Variants in GOLGA8M observed in about 807,000 individuals in gnomAD.
The protein encoded by GOLGA8M is golgin subfamily A member 8M.
In GOLGA8M, 34 loss-of-function variants were observed where a neutral mutation model predicts 87.7. The observed-to-expected ratio is 0.39, with a 90% CI of 0.29 to 0.52. The LOEUF is 0.52. GOLGA8M is among the 20% of genes least tolerant of loss of function. GOLGA8M has a pLI of 0.80. For missense variants in GOLGA8M, 396 were observed against 682.2 expected (o/e 0.58, Z 4.67); for synonymous variants, 138 against 250.2 (o/e 0.55, Z 4.23).
Position 28,706,642 on chromosome 15 carries a change from C to G in GOLGA8M, c.649G>C (p.Glu217Gln), listed in dbSNP as rs564738040. Residue 217 changes from glutamate to glutamine, a missense_variant, in exon 9 of 19, where the codon GAG becomes CAG. Physicochemically the swap from Glu to Gln is conservative, Grantham distance 29. This residue lies in a region of GOLGA8M where 5 missense variants were observed against 31.9 expected (regional missense o/e 0.16). Transcript: ENST00000563027. ...EWKLEQSMREEALLKVQLTQL... is the reference protein window; with the variant it reads ...EWKLEQSMREQALLKVQLTQL... Reference sequence around the variant, plus strand: ...GTCAGCTGCACTTTCAGTAGTGCCTCCTCCCGCATGGACTGCTCTAACTTC... The same window carrying G: ...GTCAGCTGCACTTTCAGTAGTGCCTGCTCCCGCATGGACTGCTCTAACTTC... The G allele has an allele frequency of 2.4e-3, 3,681 of 1,537,306 alleles. 12 individuals are homozygous for G. Among genetic ancestry groups the G allele is most frequent in the Non-Finnish European group, 3.1e-3 (3,452 of 1,124,810 alleles).
chr15:28,709,701 A>G, intron 2 of GOLGA8M, 113 bp from the exon 3 acceptor site: 1 of 822,344 alleles, frequency 1.2e-6, no homozygotes, highest in East Asian at 2.7e-5. Context: ...CCTATCTTGG[A>G]CCCTTTGTCC....
In GOLGA8M at chr15:28,702,632, GCCTC is replaced by G; in HGVS notation, c.1469+9_1469+12del. On this transcript the variant is annotated intron_variant, in intron 16 of 18. Transcript: ENST00000563027. ...CTGCAGCTCCCCCTGCCGTGCCCTG[GCCTC>G]CCACTCACTGATGGCATCTCTCTTG... The G allele has an allele frequency of 6.2e-7, 1 of 1,610,238 alleles. No individual in the cohort carries two copies. The highest frequency in any genetic ancestry group is 1.1e-5 in the South Asian group (1 of 91,048).
rs543904878 is a variant in GOLGA8M at position 28,701,705 on chromosome 15, A to G, written c.*249T>C. Among the ~76,000 whole-genome samples, 6 of 152,192 alleles carry G rather than the reference A, an allele frequency of 3.9e-5. No homozygotes were observed. The East Asian group carries it at 1.2e-3, about 29-fold the overall frequency. On this transcript the variant is annotated 3_prime_UTR_variant, in exon 19 of 19. Coordinates refer to ENST00000563027, the MANE Select transcript of GOLGA8M (RefSeq NM_001282468.3). ...AAGGGCAAACTCGATATGCATGCTAATGACCTACAATTATGAAATTAAAAA... is the reference window on the plus strand; with the variant it reads ...AAGGGCAAACTCGATATGCATGCTAGTGACCTACAATTATGAAATTAAAAA...
Position 28,702,310 on chromosome 15 carries a change from G to A in GOLGA8M, c.1627C>T (p.His543Tyr). 6.5e-7 allele frequency: 1 copy of A among 1,532,100 alleles called. No homozygotes were observed. The highest frequency in any genetic ancestry group is 8.7e-7 in the Non-Finnish European group (1 of 1,147,616). The allele number at this position is 1,532,100 out of a possible 1,614,324, so 94.9% of individuals were successfully genotyped here. A position where few individuals can be genotyped will look rare whatever the true frequency, so the allele number is the denominator to read the frequency against. Reference sequence around the variant, plus strand: ...TGGGCAGCGGCCAGGAATTTTCTGTGCCCATTGTTGTAGTTGCTGTAAGCC... The same window carrying A: ...TGGGCAGCGGCCAGGAATTTTCTGTACCCATTGTTGTAGTTGCTGTAAGCC... The part of the protein sequence containing the change: ...IAAYSNYNNG[H>Y]RKFLAAAHNS... Residue 543 changes from histidine (H) to tyrosine (Y), a missense_variant, in exon 18 of 19, where the codon CAC becomes TAC. Around this residue, in one of 12 missense-constraint regions of GOLGA8M, gnomAD observed 173 missense variants for 150.2 expected, o/e 1.15. Coordinates refer to ENST00000563027, the MANE Select transcript of GOLGA8M (RefSeq NM_001282468.3).
chr15:28,706,580 T>G, intron 9 of GOLGA8M, 33 bp downstream of exon 9: 2 of 1,180,310 alleles, frequency 1.7e-6, no homozygotes, highest in Non-Finnish European at 2.5e-6. Context: ...TGGGGTCATC[T>G]TCCTTCCACA....
rs929621413 is a variant in GOLGA8M at position 28,702,689 on chromosome 15, T to C, written c.1425A>G (p.Lys475=). The C allele has an allele frequency of 8.1e-6, 13 of 1,605,328 alleles. No homozygotes were observed. The highest frequency in any genetic ancestry group is 1.1e-5 in the Non-Finnish European group (13 of 1,179,456). The change falls in exon 16 of 19, where the codon AAA becomes AAG. Residue 475 remains lysine, a synonymous_variant. Transcript: ENST00000563027. The part of the protein sequence containing the change: ...EKADLSELVK[K]QELRFIQYWQ... ...AGTATTGAATGAAGCGAAGTTCTTG[T>C]TTCTTCACAAGCTCACTCAGGTCTG...
In GOLGA8M at chr15:28,702,450, T is replaced by C. The variant is rs1486534421; in HGVS notation, c.1567+15A>G. The C allele has an allele frequency of 1.1e-5, 6 of 569,122 alleles. No homozygotes were observed. The highest frequency in any genetic ancestry group is 1.7e-5 in the Non-Finnish European group (6 of 350,822). The allele number at this position is 569,122 out of a possible 1,614,324, so 35.3% of individuals were successfully genotyped here. A position where few individuals can be genotyped will look rare whatever the true frequency, so the allele number is the denominator to read the frequency against. ...ACCCCCACCCCCACCCCCACAGAGA[T>C]GTTGCACACCCTACCTTCATCTCCT... On this transcript the variant is annotated intron_variant, in intron 17 of 18. Transcript: ENST00000563027.
In GOLGA8M at chr15:28,700,909, T is replaced by A. The variant is rs1724846139; in HGVS notation, c.*1045A>T. On this transcript the variant is annotated 3_prime_UTR_variant, in exon 19 of 19. Coordinates refer to ENST00000563027, the MANE Select transcript of GOLGA8M (RefSeq NM_001282468.3). ...TCTTGACTAGAGCCTGTATGCCTGT[T>A]CCAGGGACGTTTGAACTCATAAAGG... Among the ~76,000 whole-genome samples, 1 of 152,120 alleles carries A rather than the reference T, an allele frequency of 6.6e-6. No homozygotes were observed. The highest frequency in any genetic ancestry group is 2.4e-5 in the African/African-American group (1 of 41,390).
In GOLGA8M at chr15:28,706,891, A is replaced by G. The variant is rs1380349364; in HGVS notation, c.592-192T>C. On this transcript the variant is annotated intron_variant, in intron 8 of 18. Coordinates refer to ENST00000563027, the MANE Select transcript of GOLGA8M (RefSeq NM_001282468.3). Reference sequence around the variant, plus strand: ...GGACAGGGAATGAGATTGAGTTTATAGCTGGCTAACAGAGGCCCAGAGAGA... The same window carrying G: ...GGACAGGGAATGAGATTGAGTTTATGGCTGGCTAACAGAGGCCCAGAGAGA... 1.5e-4 allele frequency among the ~76,000 whole-genome samples: 21 copies of G among 144,226 alleles called. No individual in the cohort carries two copies. In the East Asian group the frequency reaches 5.6e-3, roughly 39 times the overall value. 94.6% of individuals were successfully genotyped at this position (144,226 alleles called of 152,430 possible).
upstream of GOLGA8M, chr15:28,712,470 T>A: frequency 6.3e-7 from 1 of 1,591,610 alleles, no homozygotes; most frequent in Admixed American, 1.7e-5. Flanking sequence ...GGAATAGGGG[T>A]GTGGCCTTAA....
upstream of GOLGA8M, among the ~76,000 whole-genome samples, chr15:28,712,728 C>T (rs28433430): frequency 7.2e-5 from 11 of 152,234 alleles, no homozygotes; most frequent in South Asian, 4.2e-4. Flanking sequence ...TCCGTGTGTG[C>T]GTATCTATGT....
chr15:28,712,858 T>A (rs1317791461), upstream of GOLGA8M, among the ~76,000 whole-genome samples: 2 of 152,176 alleles, frequency 1.3e-5, no homozygotes, highest in African/African-American at 4.8e-5. Context: ...GAGATACAGA[T>A]CCTATAAAAA....
Position 28,709,515 on chromosome 15 carries a change from C to G in GOLGA8M, c.228+14G>C. 1 of 1,214,992 alleles carries G rather than the reference C, an allele frequency of 8.2e-7. No homozygotes were observed. The allele number at this position is 1,214,992 out of a possible 1,614,324, so 75.3% of individuals were successfully genotyped here. On this transcript the variant is annotated intron_variant, in intron 3 of 18. Coordinates refer to ENST00000563027, the MANE Select transcript of GOLGA8M (RefSeq NM_001282468.3). Reference sequence around the variant, plus strand: ...ACCCGAAGGGTCACTGCACCTCTGCCCAGAGCCTCTTACCTCCAGATCTTT... The same window carrying G: ...ACCCGAAGGGTCACTGCACCTCTGCGCAGAGCCTCTTACCTCCAGATCTTT...
intron 1 of GOLGA8M, chr15:28,711,405 A>G (rs1051759565): frequency 1.6e-6 from 1 of 613,156 alleles, no homozygotes; most frequent in African/African-American, 2.0e-5. Flanking sequence ...AAAATGTTAA[A>G]ATCTCTCTGG....
rs774049688 is a variant in GOLGA8M, at chr15:28,705,206, G to T, written c.1153C>A (p.Leu385Met). Residue 385 changes from leucine (L) to methionine (M), a missense_variant, in exon 13 of 19, where the codon CTG (leucine) becomes ATG (methionine). Leu to Met is a conservative substitution (Grantham distance 15). Around this residue, in one of 12 missense-constraint regions of GOLGA8M, gnomAD observed 44 missense variants for 46.7 expected, o/e 0.94. Coordinates refer to ENST00000563027, the MANE Select transcript of GOLGA8M (RefSeq NM_001282468.3). Reference sequence around the variant, plus strand: ...TCCTTTACTTGCTGCTCCAACTGCAGTGTGCTCTTGTTCTCATTGTTCTGG... The same window carrying T: ...TCCTTTACTTGCTGCTCCAACTGCATTGTGCTCTTGTTCTCATTGTTCTGG... The part of the protein sequence containing the change: ...EEPNNENKST[L>M]QLEQQVKELQ... 3 of 1,597,982 alleles carry T rather than the reference G, an allele frequency of 1.9e-6. No homozygotes were observed. The highest frequency in any genetic ancestry group is 2.5e-6 in the Non-Finnish European group (3 of 1,179,772).
chr15:28,702,061 G>C lies in GOLGA8M; in HGVS notation c.1792C>G (p.Pro598Ala). Residue 598 changes from proline to alanine, a missense_variant, in exon 19 of 19, where the codon CCT (proline) becomes GCT (alanine). Pro to Ala is a conservative substitution (Grantham distance 27, BLOSUM62 -1). This residue lies in a region of GOLGA8M where 35 missense variants were observed against 61.4 expected (regional missense o/e 0.57). Coordinates refer to ENST00000563027, the MANE Select transcript of GOLGA8M (RefSeq NM_001282468.3). Reference protein sequence around the residue: ...EAREDPLLDKPTAQPIVQDHQ... With the variant: ...EAREDPLLDKATAQPIVQDHQ... ...TCCTGCACGATCGGCTGTGCAGTAG[G>C]CTTGTCAAGGAGAGGATCCTCCCTG... The C allele has an allele frequency of 6.3e-7, 1 of 1,592,660 alleles. No homozygotes were observed. Among genetic ancestry groups the C allele is most frequent in the Non-Finnish European group, 8.5e-7 (1 of 1,177,490 alleles).
rs563898919 is a variant in GOLGA8M at position 28,702,595 on chromosome 15, C to T, written c.1470-33G>A. 7.2e-4 allele frequency: 1,162 copies of T among 1,609,846 alleles called. 8 individuals carry two copies. Among genetic ancestry groups the T allele is most frequent in the South Asian group, 5.2e-3 (472 of 91,040 alleles). ...AGGACGGGGCTCAGACGCTGGGGCC[C>T]CTCCGACGGTCCTGCAGCTCCCCCT... On this transcript the variant is annotated intron_variant, in intron 16 of 18. Transcript: ENST00000563027.
chr15:28,701,331 A>G lies in GOLGA8M; in HGVS notation c.*623T>C, dbSNP rs971128344. ...CACTTTCCTCTTCTGTGAGATTTAA[A>G]AAGCTCCCCCAAAAGGTTTCACTCC... On this transcript the variant is annotated 3_prime_UTR_variant, in exon 19 of 19. Coordinates refer to ENST00000563027, the MANE Select transcript of GOLGA8M (RefSeq NM_001282468.3). 6.6e-6 allele frequency among the ~76,000 whole-genome samples: 1 copy of G among 151,672 alleles called. No homozygotes were observed. Among genetic ancestry groups the G allele is most frequent in the African/African-American group, 2.4e-5 (1 of 41,128 alleles).
At chr15:28,703,164 A>G (rs192958377) in intron 15 of GOLGA8M, among the ~76,000 whole-genome samples, 155 bp downstream of exon 15, 1 of 129,820 alleles carries the variant, frequency 7.7e-6, no homozygotes, top group Non-Finnish European at 1.5e-5. Flanking sequence ...GAGACTGCAC[A>G]TGTTGGCCAC....
Sources: allele counts gnomAD v4.1 joint callset (sites outside exome capture counted in the v4.1 genomes callset), GRCh38; gene constraint gnomAD v4.1.1; regional missense constraint gnomAD v4.1.1; transcripts MANE v1.5; gene names NCBI Gene and HGNC (gene_info 2026-07-23, HGNC 2026-07-21).